Variants in PSMD14 observed in about 807,000 individuals in gnomAD.
PSMD14 encodes the protein proteasome 26S subunit, non-ATPase 14, also known as ubiquitin C-terminal hydrolase PSMD14.
Under a neutral mutation model 41.2 loss-of-function variants are expected in PSMD14, and 7 were observed. The observed-to-expected ratio is 0.17, with a 90% CI of 0.10 to 0.32. PSMD14 has a LOEUF of 0.32. Among genes scored for constraint, PSMD14 ranks in the 10% least tolerant of loss-of-function variants. The pLI is 1.00. For missense variants in PSMD14, 139 were observed against 375.6 expected, an observed-to-expected ratio of 0.37 and a Z score of 5.21; for synonymous variants, 114 against 122.3, an observed-to-expected ratio of 0.93 and a Z score of 0.45.
At chr2:161,321,749 A>G (rs1484632521) in intron 3 of PSMD14, among the ~76,000 whole-genome samples, 1 of 152,196 alleles carries the variant, frequency 6.6e-6, no homozygotes, top group Non-Finnish European at 1.5e-5. Context: ...TTATCCAGAA[A>G]TACAGATTAG....
chr2:161,370,046 A>G lies in PSMD14; in HGVS notation c.241-61A>G, dbSNP rs1160716541. The G allele has an allele frequency of 5.4e-6, 7 of 1,298,564 alleles. No homozygotes were observed. The African/African-American group carries it at 1.1e-4, about 20-fold the overall frequency. 80.4% of individuals were successfully genotyped at this position (1,298,564 alleles called of 1,614,324 possible). A position where few individuals can be genotyped will look rare whatever the true frequency, so the allele number is the denominator to read the frequency against. Reference sequence around the variant, plus strand: ...ATTTTGGCAACCCCAAATAATATACATAGGGAAGCTTTTTTTCCAAATTTA... The same window carrying G: ...ATTTTGGCAACCCCAAATAATATACGTAGGGAAGCTTTTTTTCCAAATTTA... On this transcript the variant is annotated intron_variant, in intron 5 of 11. Coordinates refer to ENST00000409682, the MANE Select transcript of PSMD14 (RefSeq NM_005805.6).
intron 11 of PSMD14, 46 bp from the exon 12 acceptor site, chr2:161,411,256 C>A: frequency 1.5e-6 from 2 of 1,295,912 alleles, no homozygotes; most frequent in Non-Finnish European, 2.1e-6. Flanking sequence ...ATTTATCTAC[C>A]AGTAATATGG....
At chr2:161,370,326 C>T (rs577266824) in intron 6 of PSMD14, 149 bp downstream of exon 6, 3 of 615,422 alleles carry the variant, frequency 4.9e-6, no homozygotes, top group Admixed American at 3.6e-5. Context: ...TGCCATGCAC[C>T]ACCTGTCTAG....
intron 3 of PSMD14, among the ~76,000 whole-genome samples, chr2:161,328,557 A>G (rs1020717342): frequency 1.3e-5 from 2 of 152,142 alleles, no homozygotes; most frequent in Admixed American, 6.5e-5. Flanking sequence ...TACGGTAGCC[A>G]CTAGTCACAT....
chr2:161,313,864 CTG>C (rs773007341), intron 1 of PSMD14, among the ~76,000 whole-genome samples: 3 of 151,674 alleles, frequency 2.0e-5, no homozygotes, highest in African/African-American at 7.2e-5. Context: ...ATTTGTCATC[CTG>C]TGTGTGTGTG....
intron 8 of PSMD14, among the ~76,000 whole-genome samples, chr2:161,389,276 A>G (rs1237858685): frequency 6.6e-6 from 1 of 152,146 alleles, no homozygotes; most frequent in South Asian, 2.1e-4. Flanking sequence ...GCATCGCGCA[A>G]ATGTGCTTGG....
Position 161,362,277 on chromosome 2 carries a change from A to G in PSMD14, c.49-5201A>G, listed in dbSNP as rs528845040. Among the ~76,000 whole-genome samples the G allele has an allele frequency of 1.2e-3, 187 of 152,328 alleles. 5 individuals are homozygous for G. In the South Asian group the frequency reaches 0.038, roughly 31 times the overall value. ...TTATGTTTCCAGAATAGTAAAGTCA[A>G]CACTTACATCTGTATTTTCCCCTAC... On this transcript the variant is annotated intron_variant, in intron 3 of 11. Coordinates refer to ENST00000409682, the MANE Select transcript of PSMD14 (RefSeq NM_005805.6).
At chr2:161,311,427 G>A (rs1485623868) in intron 1 of PSMD14, among the ~76,000 whole-genome samples, 1 of 151,952 alleles carries the variant, frequency 6.6e-6, no homozygotes, top group Non-Finnish European at 1.5e-5. Context: ...GTTATTATGA[G>A]TAATCTAAAA....
rs139519819 is a variant in PSMD14, at chr2:161,339,664, C to T, written c.48+20791C>T. On this transcript the variant is annotated intron_variant, in intron 3 of 11. Transcript: ENST00000409682. ...GATAGCTCTACTAGGAGGGAGTCAA[C>T]GACCTATTGTATCAATTAGATCCCA... is the stretch of plus-strand genomic sequence containing the variant. 4.6e-5 allele frequency among the ~76,000 whole-genome samples: 7 copies of T among 152,376 alleles called. No individual in the cohort carries two copies. The South Asian group carries it at 6.2e-4, about 14-fold the overall frequency.
Position 161,409,142 on chromosome 2 carries a change from AG to A in PSMD14, c.834+245del, listed in dbSNP as rs199831521. Among the ~76,000 whole-genome samples the A allele has an allele frequency of 9.0e-3, 1,377 of 152,188 alleles. 14 individuals are homozygous for A. The highest frequency in any genetic ancestry group is 0.014 in the Non-Finnish European group (983 of 67,926). The stretch of plus-strand genomic sequence containing the variant: ...GAAAATAATTTACTAGGAACAAATT[AG>A]GACACTTGTATCCTGAATTAATTTT... On this transcript the variant is annotated intron_variant, in intron 11 of 11. Transcript: ENST00000409682.
At position 161,379,415 on chromosome 2, in the gene PSMD14, GATA is replaced by G. The variant is rs1301148436; in HGVS notation, c.463-6044_463-6042del. On this transcript the variant is annotated intron_variant, in intron 7 of 11. Coordinates refer to ENST00000409682, the MANE Select transcript of PSMD14 (RefSeq NM_005805.6). ...CATATTCAGTCATTTTTAAAAGAGAGATAATAACCTTCAGTACAACTATACACT... is the reference window on the plus strand; with the variant it reads ...CATATTCAGTCATTTTTAAAAGAGAGATAACCTTCAGTACAACTATACACT... Among the ~76,000 whole-genome samples the G allele has an allele frequency of 2.0e-5, 3 of 152,074 alleles. No homozygotes were observed. The South Asian group carries it at 6.2e-4, about 31-fold the overall frequency.
intron 3 of PSMD14, among the ~76,000 whole-genome samples, chr2:161,356,117 C>T (rs956525936): frequency 6.6e-6 from 1 of 152,014 alleles, no homozygotes; most frequent in Non-Finnish European, 1.5e-5. Flanking sequence ...AAGCAAACAG[C>T]TGAAATCATG....
chr2:161,331,483 C>T (rs547288206), intron 3 of PSMD14, among the ~76,000 whole-genome samples: 5 of 152,246 alleles, frequency 3.3e-5, no homozygotes, highest in African/African-American at 1.2e-4. Context: ...TGGTCTCGAA[C>T]TCCTGACCTG....
intron 10 of PSMD14, among the ~76,000 whole-genome samples, chr2:161,395,566 A>G (rs1302659397): frequency 6.6e-6 from 1 of 152,210 alleles, no homozygotes; most frequent in South Asian, 2.1e-4. Flanking sequence ...GAGTAAGGGG[A>G]TATAGATAAC....
intron 6 of PSMD14, among the ~76,000 whole-genome samples, chr2:161,370,895 C>T (rs1323883169): frequency 1.3e-5 from 2 of 152,126 alleles, no homozygotes. Context: ...TAAAAACTGG[C>T]TCTGAGAAAC....
At chr2:161,349,507 G>A (rs1244098355) in intron 3 of PSMD14, among the ~76,000 whole-genome samples, 2 of 152,198 alleles carry the variant, frequency 1.3e-5, no homozygotes, top group African/African-American at 4.8e-5. Context: ...CTTTCCTAGT[G>A]TGGAGTTCTT....
At position 161,354,848 on chromosome 2, in the gene PSMD14, C is replaced by T. The variant is rs568845659; in HGVS notation, c.49-12630C>T. On this transcript the variant is annotated intron_variant, in intron 3 of 11. Coordinates refer to ENST00000409682, the MANE Select transcript of PSMD14 (RefSeq NM_005805.6). ...TTATAACCAGATAATGGTGTCATTT[C>T]CCCCTCTCCCCTGCTATTACATCGC... is the stretch of plus-strand genomic sequence containing the variant. Among the ~76,000 whole-genome samples, 4 of 152,258 alleles carry T rather than the reference C, an allele frequency of 2.6e-5. No homozygotes were observed. The South Asian group carries it at 8.3e-4, about 32-fold the overall frequency.
chr2:161,393,849 T>C (rs2105267587), intron 9 of PSMD14, among the ~76,000 whole-genome samples: 1 of 152,062 alleles, frequency 6.6e-6, no homozygotes, highest in South Asian at 2.1e-4. Flanking sequence ...CTTAGGAACA[T>C]CTAAGAATAA....
intron 7 of PSMD14, chr2:161,383,478 C>T (rs755110619): frequency 2.0e-5 from 3 of 151,730 alleles, no homozygotes; most frequent in Non-Finnish European, 4.4e-5. Flanking sequence ...ATCATGATAT[C>T]TACTGAACTA....
Sources: gnomAD v4.1 joint callset for allele counts (sites outside exome capture counted in the v4.1 genomes callset) on GRCh38, gnomAD v4.1.1 for gene constraint, MANE v1.5 for transcripts, NCBI Gene and HGNC (gene_info 2026-07-23, HGNC 2026-07-21) for gene names.